PARP8: variants seen among roughly 807,000 people sequenced by gnomAD.
The protein encoded by PARP8 is poly(ADP-ribose) polymerase family member 8.
Under a neutral mutation model 124.1 loss-of-function variants are expected in PARP8, and 51 were observed. The observed-to-expected ratio is 0.41, with a 90% CI of 0.33 to 0.52. The LOEUF (loss-of-function observed/expected upper bound fraction) is 0.52, where lower values mean the gene tolerates loss of function less well. Ranked by LOEUF, PARP8 falls within the 20% of genes least tolerant of loss-of-function variation. PARP8 has a pLI of 0.21. For missense variants in PARP8, 860 were observed against 1,018.9 expected (o/e 0.84, Z 2.12); for synonymous variants, 391 against 361.5 (o/e 1.08, Z -0.93).
intron 14 of PARP8, among the ~76,000 whole-genome samples, chr5:50,806,922 T>A (rs1428746076): frequency 6.6e-6 from 1 of 152,090 alleles, no homozygotes; most frequent in Non-Finnish European, 1.5e-5. Flanking sequence ...CACATTACAG[T>A]CTGTAGTAAG....
At chr5:50,805,132 C>T (rs919559500) in intron 14 of PARP8, among the ~76,000 whole-genome samples, 2 of 152,118 alleles carry the variant, frequency 1.3e-5, no homozygotes, top group African/African-American at 4.8e-5. Flanking sequence ...TTGGGTTCCT[C>T]ACTCAGCTTT....
chr5:50,754,324 C>T (rs2149562287), intron 3 of PARP8, among the ~76,000 whole-genome samples: 1 of 151,282 alleles, frequency 6.6e-6, no homozygotes, highest in South Asian at 2.1e-4. Flanking sequence ...TAATGCTATC[C>T]CTCCCCCCAG....
In PARP8 at chr5:50,834,053, G is replaced by A. The variant is rs761293431; in HGVS notation, c.2377+5G>A. On this transcript the variant is annotated splice_donor_5th_base_variant and intron_variant, in intron 24 of 25. Coordinates refer to ENST00000281631, the MANE Select transcript of PARP8 (RefSeq NM_024615.4). ...AATGCATAGCCTTATGTGAAGGTAAGTTGAAAGTTTTACAAACCTCATAGT... is the reference window on the plus strand; with the variant it reads ...AATGCATAGCCTTATGTGAAGGTAAATTGAAAGTTTTACAAACCTCATAGT... The A allele has an allele frequency of 6.2e-7, 1 of 1,609,164 alleles. No individual in the cohort carries two copies. Among genetic ancestry groups the A allele is most frequent in the Non-Finnish European group, 8.5e-7 (1 of 1,176,298 alleles).
chr5:50,704,732 T>C (rs1416287321), intron 2 of PARP8, among the ~76,000 whole-genome samples: 1 of 152,218 alleles, frequency 6.6e-6, no homozygotes, highest in African/African-American at 2.4e-5. Flanking sequence ...AAATAAGGTA[T>C]ATTATTAAAA....
chr5:50,703,194 G>A (rs1262098318), intron 2 of PARP8, among the ~76,000 whole-genome samples: 1 of 151,860 alleles, frequency 6.6e-6, no homozygotes, highest in Non-Finnish European at 1.5e-5. Context: ...CCAGCTACTT[G>A]GGAGGCGGAG....
intron 9 of PARP8, among the ~76,000 whole-genome samples, chr5:50,785,005 A>G (rs1272050894): frequency 3.3e-5 from 5 of 151,932 alleles, no homozygotes; most frequent in Non-Finnish European, 5.9e-5. Flanking sequence ...TTCTCTGTTT[A>G]TTAACATCTT....
intron 7 of PARP8, among the ~76,000 whole-genome samples, chr5:50,770,215 G>C (rs1993955): frequency 0.21 from 31,220 of 151,592 alleles, 3,390 homozygotes; most frequent in South Asian, 0.34. Context: ...CTCAATTTCT[G>C]TTCTTACCCA....
chr5:50,818,587 C>T (rs1125916), intron 15 of PARP8, among the ~76,000 whole-genome samples: 31,299 of 151,656 alleles, frequency 0.21, 3,400 homozygotes, highest in South Asian at 0.33. Context: ...CTGTGTTGTC[C>T]GGGCTGGTCT....
intron 2 of PARP8, among the ~76,000 whole-genome samples, chr5:50,685,747 G>T (rs1751789696): frequency 6.6e-6 from 1 of 152,144 alleles, no homozygotes; most frequent in Non-Finnish European, 1.5e-5. Flanking sequence ...GTTCCATGTG[G>T]CCTGGGAAGC....
intron 2 of PARP8, among the ~76,000 whole-genome samples, chr5:50,735,849 G>A (rs1757416997): frequency 6.6e-6 from 1 of 151,742 alleles, no homozygotes; most frequent in Non-Finnish European, 1.5e-5. Flanking sequence ...ACCTTATCTA[G>A]GTCAGGTAGG....
At chr5:50,743,745 CATAAATAA>C (rs148163788) in intron 2 of PARP8, among the ~76,000 whole-genome samples, 4 of 151,302 alleles carry the variant, frequency 2.6e-5, no homozygotes, top group South Asian at 2.1e-4. Context: ...GTCTCCAAAA[CATAAATAA>C]ATAAATAAAT....
chr5:50,786,580 CT>C lies in PARP8; in HGVS notation c.671-1942del, dbSNP rs1319235123. Reference sequence around the variant, plus strand: ...ATGGAGTCTCTCTATGTTTCCAAGACTGGTCTTGAACTCCTGGGCTCAAGCA... The same window carrying C: ...ATGGAGTCTCTCTATGTTTCCAAGACGGTCTTGAACTCCTGGGCTCAAGCA... On this transcript the variant is annotated intron_variant, in intron 9 of 25. Transcript: ENST00000281631. Among the ~76,000 whole-genome samples, 3 of 151,064 alleles carry C rather than the reference CT, an allele frequency of 2.0e-5. No individual in the cohort carries two copies. In the East Asian group the frequency reaches 5.8e-4, roughly 29 times the overall value.
intron 2 of PARP8, among the ~76,000 whole-genome samples, chr5:50,695,895 A>G (rs1349267185): frequency 2.0e-5 from 3 of 152,178 alleles, no homozygotes; most frequent in African/African-American, 7.2e-5. Context: ...TCCTCTATGC[A>G]TTATCTTGAT....
chr5:50,837,034 A>T (rs1208978815), intron 25 of PARP8, among the ~76,000 whole-genome samples: 1 of 152,200 alleles, frequency 6.6e-6, no homozygotes, highest in Admixed American at 6.6e-5. Context: ...CTTTTAGATA[A>T]ATTATACATA....
At chr5:50,688,221 C>T (rs1752090141) in intron 2 of PARP8, among the ~76,000 whole-genome samples, 1 of 152,132 alleles carries the variant, frequency 6.6e-6, no homozygotes, top group South Asian at 2.1e-4. Flanking sequence ...TTTCTATTTC[C>T]ATTTTATAAC....
At chr5:50,782,887 A>G (rs1182785593) in intron 9 of PARP8, among the ~76,000 whole-genome samples, 1 of 152,172 alleles carries the variant, frequency 6.6e-6, no homozygotes, top group Non-Finnish European at 1.5e-5. Context: ...CTCATCAGAG[A>G]GTGGTAGGAG....
intron 2 of PARP8, among the ~76,000 whole-genome samples, chr5:50,685,687 T>A (rs1392548165): frequency 6.6e-6 from 1 of 152,188 alleles, no homozygotes; most frequent in Non-Finnish European, 1.5e-5. Flanking sequence ...GATAAAGACA[T>A]ACCCATGACT....
chr5:50,724,403 G>T (rs1341599118), intron 2 of PARP8, among the ~76,000 whole-genome samples: 1 of 151,994 alleles, frequency 6.6e-6, no homozygotes, highest in Non-Finnish European at 1.5e-5. Flanking sequence ...CAGTGTATGT[G>T]CCAGCACAGC....
At chr5:50,778,900 C>T (rs1740342611) in intron 9 of PARP8, among the ~76,000 whole-genome samples, 1 of 151,828 alleles carries the variant, frequency 6.6e-6, no homozygotes, top group Non-Finnish European at 1.5e-5. Context: ...TTTAAAAAAC[C>T]CAAAAGAGTA....
Sources: gnomAD v4.1 joint callset for allele counts (sites outside exome capture counted in the v4.1 genomes callset) on GRCh38, gnomAD v4.1.1 for gene constraint, MANE v1.5 for transcripts, NCBI Gene and HGNC (gene_info 2026-07-23, HGNC 2026-07-21) for gene names.